Variants in THOP1 observed in about 807,000 individuals in gnomAD.
The protein encoded by THOP1 is thimet oligopeptidase.
Under a neutral mutation model 71.8 loss-of-function variants are expected in THOP1, and 49 were observed. The observed-to-expected ratio is 0.68, with a 90% confidence interval of 0.54 to 0.87. THOP1 has a LOEUF of 0.87. Ranked by LOEUF, THOP1 falls within the 40% of genes least tolerant of loss-of-function variation. The pLI is 0.00. For missense variants in THOP1, 843 were observed against 975.6 expected, an observed-to-expected ratio of 0.86 and a Z score of 1.81; for synonymous variants, 426 against 421.5, an observed-to-expected ratio of 1.01 and a Z score of -0.13.
chr19:2,803,860 G>A (rs1028588612), intron 5 of THOP1, among the ~76,000 whole-genome samples: 3 of 152,076 alleles, frequency 2.0e-5, no homozygotes, highest in Admixed American at 1.3e-4. Context: ...CCCCCCAACC[G>A]GATCATTCTT....
chr19:2,806,655 G>A (rs113387680), intron 6 of THOP1: 10 of 520,544 alleles, frequency 1.9e-5, no homozygotes, highest in Middle Eastern at 5.0e-4. Context: ...GAGGCTCCTC[G>A]GACAGCCCCT....
chr19:2,785,616 T>C lies in THOP1; in HGVS notation c.-47T>C. On this transcript the variant is annotated 5_prime_UTR_variant, in exon 1 of 13. Coordinates refer to ENST00000307741, the MANE Select transcript of THOP1 (RefSeq NM_003249.5). Reference sequence around the variant, plus strand: ...TCAGTGGCCGAGGTGGCTGGACGCGTAGCAGGTGGAAGGAGGGAGGGAGCC... The same window carrying C: ...TCAGTGGCCGAGGTGGCTGGACGCGCAGCAGGTGGAAGGAGGGAGGGAGCC... 1 of 1,501,326 alleles carries C rather than the reference T, an allele frequency of 6.7e-7. No individual in the cohort carries two copies. The highest frequency in any genetic ancestry group is 8.9e-7 in the Non-Finnish European group (1 of 1,126,884). 93.0% of individuals were successfully genotyped at this position (1,501,326 alleles called of 1,614,324 possible). A position where few individuals can be genotyped will look rare whatever the true frequency, so the allele number is the denominator to read the frequency against.
At chr19:2,812,273 G>T in intron 12 of THOP1, 4 of 1,535,456 alleles carry the variant, frequency 2.6e-6, no homozygotes, top group Non-Finnish European at 3.5e-6. Flanking sequence ...ACCCAGGCTC[G>T]GGACAGCCGC....
Position 2,795,966 on chromosome 19 carries a change from G to T in THOP1, c.379-115G>T. 3 of 698,536 alleles carry T rather than the reference G, an allele frequency of 4.3e-6. No individual in the cohort carries two copies. In the South Asian group the frequency reaches 5.1e-5, roughly 12 times the overall value. 43.3% of individuals were successfully genotyped at this position (698,536 alleles called of 1,614,324 possible). A position where few individuals can be genotyped will look rare whatever the true frequency, so the allele number is the denominator to read the frequency against. ...TTCTCTGAGATAAATGCCCAGGAGT[G>T]CAGTTGCCAAGTCACACGGGGGCCG... On this transcript the variant is annotated intron_variant, in intron 3 of 12. Coordinates refer to ENST00000307741, the MANE Select transcript of THOP1 (RefSeq NM_003249.5).
chr19:2,813,448 C>A lies in THOP1; in HGVS notation c.*172C>A. 1.2e-6 allele frequency: 1 copy of A among 825,242 alleles called. No homozygotes were observed. The highest frequency in any genetic ancestry group is 1.8e-6 in the Non-Finnish European group (1 of 553,248). The allele number at this position is 825,242 out of a possible 1,614,324, so 51.1% of individuals were successfully genotyped here. On this transcript the variant is annotated 3_prime_UTR_variant, in exon 13 of 13. Coordinates refer to ENST00000307741, the MANE Select transcript of THOP1 (RefSeq NM_003249.5). The stretch of plus-strand genomic sequence containing the variant: ...CCCCACCCGGTCGTGGCCCACCCGG[C>A]TAGAGACGGCGTCCTCAAGGCATCT...
At chr19:2,808,053 A>T (rs777347324) in intron 8 of THOP1, 190 bp from the exon 9 acceptor site, 44 of 768,166 alleles carry the variant, frequency 5.7e-5, no homozygotes, top group Non-Finnish European at 8.0e-5. Context: ...TAGGGGAGGG[A>T]TGGCAGCCGG....
At chr19:2,791,484 G>A (rs1301238614) in intron 2 of THOP1, among the ~76,000 whole-genome samples, 2 of 152,212 alleles carry the variant, frequency 1.3e-5, no homozygotes, top group East Asian at 3.9e-4. Context: ...TCTGGGCCAG[G>A]GGCTGGAGGG....
At position 2,801,086 on chromosome 19, in the gene THOP1, G is replaced by A. The variant is rs1916134399; in HGVS notation, c.589+1295G>A. Among the ~76,000 whole-genome samples the A allele has an allele frequency of 6.6e-6, 1 of 152,226 alleles. No homozygotes were observed. Among genetic ancestry groups the A allele is most frequent in the Non-Finnish European group, 1.5e-5 (1 of 68,042 alleles). On this transcript the variant is annotated intron_variant, in intron 5 of 12. Coordinates refer to ENST00000307741, the MANE Select transcript of THOP1 (RefSeq NM_003249.5). This position sits in a 1 kb window ranked among gnomAD's most constrained non-coding sequence, Gnocchi z 5.1. ...AGGCAGTACTTTCATGAGAGAAGGT[G>A]CAGAGGTGGATTCTGGGATTAGCAG...
chr19:2,808,266 CCTGCTTTGGCCTGCAGCCCGG>C lies in THOP1; in HGVS notation c.1282_1302del (p.Phe428_Cys434del). The stretch of plus-strand genomic sequence containing the variant: ...AGGGAAGGAAAGTACGGGCACGCGG[CCTGCTTTGGCCTGCAGCCCGG>C]CTGCCTGCGGCAGGATGGGAGCCGC... On this transcript the variant is annotated inframe_deletion, in exon 9 of 13. Coordinates refer to ENST00000307741, the MANE Select transcript of THOP1 (RefSeq NM_003249.5). 2 of 1,552,128 alleles carry C rather than the reference CCTGCTTTGGCCTGCAGCCCGG, an allele frequency of 1.3e-6. No individual in the cohort carries two copies. The highest frequency in any genetic ancestry group is 1.7e-6 in the Non-Finnish European group (2 of 1,147,182).
intron 4 of THOP1, among the ~76,000 whole-genome samples, chr19:2,796,835 C>T (rs1916027013): frequency 2.6e-5 from 4 of 152,158 alleles, no homozygotes; most frequent in South Asian, 2.1e-4. Flanking sequence ...AGACATGGGG[C>T]GCAGAGGCTC....
Position 2,811,623 on chromosome 19 carries a change from C to A in THOP1, c.1797C>A (p.Gly599=), listed in dbSNP as rs1344030359. 8 of 1,613,124 alleles carry A rather than the reference C, an allele frequency of 5.0e-6. No homozygotes were observed. The highest frequency in any genetic ancestry group is 6.8e-6 in the Non-Finnish European group (8 of 1,179,880). Residue 599 remains glycine, a synonymous_variant, in exon 12 of 13, where the codon GGC becomes GGA. Coordinates refer to ENST00000307741, the MANE Select transcript of THOP1 (RefSeq NM_003249.5). Reference sequence around the variant, plus strand: ...GAACCAACATGCCTGCAACCTTCGGCCATCTGGCAGGTGGCTACGACGCCC... The same window carrying A: ...GAACCAACATGCCTGCAACCTTCGGACATCTGGCAGGTGGCTACGACGCCC... ...TPGTNMPATF[G]HLAGGYDAQY...
intron 8 of THOP1, 42 bp from the exon 9 acceptor site, chr19:2,808,201 G>A (rs558840231): frequency 1.3e-6 from 2 of 1,532,860 alleles, no homozygotes; most frequent in African/African-American, 1.4e-5. Flanking sequence ...CTCTTGCGGT[G>A]TCTCTAGTCC....
Position 2,813,109 on chromosome 19 carries a change from C to T in THOP1, c.1909-6C>T, listed in dbSNP as rs763818012. 1.2e-5 allele frequency: 20 copies of T among 1,605,886 alleles called. No individual in the cohort carries two copies. Among genetic ancestry groups the T allele is most frequent in the African/African-American group, 2.7e-5 (2 of 74,692 alleles). On this transcript the variant is annotated splice_polypyrimidine_tract_variant and splice_region_variant and intron_variant, in intron 12 of 12. Coordinates refer to ENST00000307741, the MANE Select transcript of THOP1 (RefSeq NM_003249.5). ...ACCCGGCCACAGTGCCCTGTCTCCT[C>T]GGCAGGTTGGCATGGATTACAGAAG...
chr19:2,813,616 T>C lies in THOP1; in HGVS notation c.*340T>C, dbSNP rs1916543537. The C allele has an allele frequency of 8.6e-6, 2 of 233,894 alleles. No homozygotes were observed. The highest frequency in any genetic ancestry group is 8.3e-6 in the Non-Finnish European group (1 of 120,354). The allele number at this position is 233,894 out of a possible 1,614,324, so 14.5% of individuals were successfully genotyped here. A position where few individuals can be genotyped will look rare whatever the true frequency, so the allele number is the denominator to read the frequency against. ...AGAAAAAGAGAGAGGCTCCCTGGCC[T>C]GGTCACTGGCTCCTGCGCTTTTTTG... On this transcript the variant is annotated 3_prime_UTR_variant, in exon 13 of 13. Transcript: ENST00000307741.
chr19:2,786,473 A>G (rs1001478282), intron 1 of THOP1, among the ~76,000 whole-genome samples: 2 of 152,092 alleles, frequency 1.3e-5, no homozygotes, highest in African/African-American at 4.8e-5. Context: ...CCTGGGTTCA[A>G]GCAATCCACC....
At chr19:2,810,919 C>T (rs1001744012) in intron 11 of THOP1, 151 bp downstream of exon 11, 7 of 1,300,672 alleles carry the variant, frequency 5.4e-6, no homozygotes, top group Non-Finnish European at 7.2e-6. Flanking sequence ...CCTCGGGGGA[C>T]AGCCCCAGCT....
At chr19:2,800,589 G>C (rs1420962767) in intron 5 of THOP1, among the ~76,000 whole-genome samples, 3 of 152,250 alleles carry the variant, frequency 2.0e-5, no homozygotes, top group Non-Finnish European at 2.9e-5. Flanking sequence ...ATGGCCGGAG[G>C]CCTCCGCAGG....
chr19:2,786,013 G>A (rs749268394), intron 1 of THOP1, among the ~76,000 whole-genome samples: 3 of 152,212 alleles, frequency 2.0e-5, no homozygotes, highest in African/African-American at 4.8e-5. Flanking sequence ...AATTAAATAA[G>A]AGAGGATCGA....
intron 1 of THOP1, among the ~76,000 whole-genome samples, chr19:2,787,673 C>G (rs1307456824): frequency 6.6e-6 from 1 of 152,228 alleles, no homozygotes; most frequent in African/African-American, 2.4e-5. Context: ...GAGAGCCTTT[C>G]TTTTTCCCAC....
Sources: allele counts gnomAD v4.1 joint callset (sites outside exome capture counted in the v4.1 genomes callset), GRCh38; gene constraint gnomAD v4.1.1; non-coding constraint Gnocchi (gnomAD v3.1); transcripts MANE v1.5; gene names NCBI Gene and HGNC (gene_info 2026-07-23, HGNC 2026-07-21).